RNF152: variants seen among roughly 807,000 people sequenced by gnomAD.
RNF152 encodes ring finger protein 152.
Under a neutral mutation model 12.7 loss-of-function variants are expected in RNF152, and 11 were observed. The observed-to-expected ratio is 0.86, with a 90% CI of 0.54 to 1.43. The LOEUF (loss-of-function observed/expected upper bound fraction) is 1.43, where lower values mean the gene tolerates loss of function less well. RNF152 is among the 40% of genes most tolerant of loss of function. The pLI is 0.00. For synonymous variants in RNF152, 113 were observed against 120.3 expected (o/e 0.94, Z 0.40); for missense variants, 255 against 274.8 (o/e 0.93, Z 0.51).
At chr18:61,893,987 G>T (rs893393462), upstream of RNF152, among the ~76,000 whole-genome samples, 5 of 142,582 alleles carry the variant, frequency 3.5e-5, no homozygotes, top group African/African-American at 1.3e-4. Context: ...CACCCCCTCC[G>T]CGGTCCAGAA....
At chr18:61,860,728 G>T (rs943143990) in intron 1 of RNF152, among the ~76,000 whole-genome samples, 2 of 152,172 alleles carry the variant, frequency 1.3e-5, no homozygotes, top group African/African-American at 4.8e-5. Context: ...AGTGGTTCAG[G>T]AGGTATCCAG....
chr18:61,857,079 C>T (rs58153277), intron 1 of RNF152, among the ~76,000 whole-genome samples: 11,425 of 152,192 alleles, frequency 0.075, 417 homozygotes, highest in Middle Eastern at 0.11. Flanking sequence ...AATTAAAATA[C>T]AGGCAGGGGA....
chr18:61,839,506 C>T (rs546418443), intron 1 of RNF152, among the ~76,000 whole-genome samples: 95 of 152,256 alleles, frequency 6.2e-4, no homozygotes, highest in Non-Finnish European at 1.0e-3. Context: ...AGAAGCAATG[C>T]TATAATGTTC....
Position 61,855,851 on chromosome 18 carries a change from C to T in RNF152, c.-136+36944G>A, listed in dbSNP as rs115497950. On this transcript the variant is annotated intron_variant, in intron 1 of 1. Transcript: ENST00000312828. ...AGGTGCCATTGGCCACAGAGGTTTC[C>T]GGCTGGTGACTCCCAGAGGATCCCG... is the stretch of plus-strand genomic sequence containing the variant. Among the ~76,000 whole-genome samples the T allele has an allele frequency of 7.2e-3, 1,093 of 152,296 alleles. 14 individuals carry two copies. The highest frequency in any genetic ancestry group is 0.026 in the African/African-American group (1,061 of 41,552).
chr18:61,813,556 C>T lies in RNF152; in HGVS notation c.*2296G>A, dbSNP rs1599253790. 6.6e-6 allele frequency: 1 copy of T among 152,304 alleles called. No homozygotes were observed. Among genetic ancestry groups the T allele is most frequent in the East Asian group, 1.9e-4 (1 of 5,186 alleles). 9.4% of individuals were successfully genotyped at this position (152,304 alleles called of 1,614,324 possible). A position where few individuals can be genotyped will look rare whatever the true frequency, so the allele number is the denominator to read the frequency against. On this transcript the variant is annotated 3_prime_UTR_variant, in exon 2 of 2. Coordinates refer to ENST00000312828, the MANE Select transcript of RNF152 (RefSeq NM_173557.3). ...AAGTTCTATGGACATTTTTACTCTA[C>T]AGATTTGCACTAAGAAACACAGGAC...
At position 61,809,862 on chromosome 18, in the gene RNF152, A is replaced by T. The variant is rs1912882876; in HGVS notation, c.*5990T>A. On this transcript the variant is annotated 3_prime_UTR_variant, in exon 2 of 2. Coordinates refer to ENST00000312828, the MANE Select transcript of RNF152 (RefSeq NM_173557.3). ...ACCCCAGGCAGTGAATCCTGAAAAA[A>T]AAAAAAAAAAAAAAAGTCATTGGCT... 6.6e-6 allele frequency: 1 copy of T among 151,458 alleles called. No individual in the cohort carries two copies. Among genetic ancestry groups the T allele is most frequent in the Middle Eastern group, 3.4e-3 (1 of 292 alleles). The allele number at this position is 151,458 out of a possible 1,614,324, so 9.4% of individuals were successfully genotyped here.
chr18:61,851,692 G>A (rs1466352872), intron 1 of RNF152, among the ~76,000 whole-genome samples: 1 of 152,170 alleles, frequency 6.6e-6, no homozygotes, highest in African/African-American at 2.4e-5. Flanking sequence ...AATCTTAAAA[G>A]AGCCAAGCAT....
Position 61,819,032 on chromosome 18 carries a change from A to T in RNF152, c.-135-2434T>A, listed in dbSNP as rs185784586. Among the ~76,000 whole-genome samples, 32 of 152,378 alleles carry T rather than the reference A, an allele frequency of 2.1e-4. No individual in the cohort carries two copies. In the East Asian group the frequency reaches 6.0e-3, roughly 28 times the overall value. Reference sequence around the variant, plus strand: ...TCAGGGGACAGGCTATTTTCAGGTTATGGAATCAGCATGAGCAAAGGAAAG... The same window carrying T: ...TCAGGGGACAGGCTATTTTCAGGTTTTGGAATCAGCATGAGCAAAGGAAAG... On this transcript the variant is annotated intron_variant, in intron 1 of 1. Transcript: ENST00000312828.
intron 1 of RNF152, among the ~76,000 whole-genome samples, chr18:61,889,632 G>C (rs1283398960): frequency 6.6e-6 from 1 of 152,200 alleles, no homozygotes; most frequent in Non-Finnish European, 1.5e-5. Context: ...TACTAGTCCT[G>C]TGACCAGAAA....
Position 61,853,591 on chromosome 18 carries a change from G to A in RNF152, c.-135-36993C>T, listed in dbSNP as rs552985566. On this transcript the variant is annotated intron_variant, in intron 1 of 1. Transcript: ENST00000312828. ...ACAGGCTGAGCCATCGCACCTCACC[G>A]GTTCCTTACCTTTTTTAGCTGCCAG... is the stretch of plus-strand genomic sequence containing the variant. 3.3e-5 allele frequency among the ~76,000 whole-genome samples: 5 copies of A among 152,084 alleles called. No homozygotes were observed. The East Asian group carries it at 5.8e-4, about 18-fold the overall frequency.
At chr18:61,821,736 G>T (rs546705429) in intron 1 of RNF152, among the ~76,000 whole-genome samples, 1 of 152,160 alleles carries the variant, frequency 6.6e-6, no homozygotes, top group Admixed American at 6.5e-5. Flanking sequence ...GACAATTACC[G>T]CCTGAGCTCC....
At chr18:61,851,873 G>A (rs1234215921) in intron 1 of RNF152, among the ~76,000 whole-genome samples, 1 of 152,100 alleles carries the variant, frequency 6.6e-6, no homozygotes, top group Non-Finnish European at 1.5e-5. Context: ...TATTCTACAG[G>A]CTTTCTATCA....
chr18:61,839,162 T>C (rs1477572532), intron 1 of RNF152, among the ~76,000 whole-genome samples: 1 of 152,084 alleles, frequency 6.6e-6, no homozygotes, highest in Non-Finnish European at 1.5e-5. Context: ...ATTTTCTACA[T>C]AACTGCAGTA....
chr18:61,830,782 C>G (rs1350837693), intron 1 of RNF152, among the ~76,000 whole-genome samples: 2 of 151,824 alleles, frequency 1.3e-5, no homozygotes, highest in African/African-American at 4.8e-5. Context: ...AGAAAAGATC[C>G]CTGATTTCTC....
At chr18:61,869,333 G>A (rs1260610304) in intron 1 of RNF152, among the ~76,000 whole-genome samples, 1 of 152,132 alleles carries the variant, frequency 6.6e-6, no homozygotes, top group Non-Finnish European at 1.5e-5. Flanking sequence ...AAGAAAACTG[G>A]TCTCCAAGAT....
chr18:61,829,860 G>A (rs1436372215), intron 1 of RNF152, among the ~76,000 whole-genome samples: 1 of 152,114 alleles, frequency 6.6e-6, no homozygotes, highest in East Asian at 1.9e-4. Context: ...TGTCTTGTAG[G>A]CTGTGGGGCT....
In RNF152 at chr18:61,829,043, C is replaced by A. The variant is rs570829200; in HGVS notation, c.-135-12445G>T. On this transcript the variant is annotated intron_variant, in intron 1 of 1. Transcript: ENST00000312828. ...AGACACAAAGGCACAGAGACCAAGA[C>A]GAGGGGAGGCAGTGCCCAGGGTGGT... is the stretch of plus-strand genomic sequence containing the variant. Among the ~76,000 whole-genome samples the A allele has an allele frequency of 2.6e-5, 4 of 152,216 alleles. No individual in the cohort carries two copies. The East Asian group carries it at 5.8e-4, about 22-fold the overall frequency.
At chr18:61,883,624 C>T (rs936750959) in intron 1 of RNF152, among the ~76,000 whole-genome samples, 4 of 152,236 alleles carry the variant, frequency 2.6e-5, no homozygotes, top group Admixed American at 6.5e-5. Flanking sequence ...TGTTTTAAAA[C>T]GGAAAGTTCC....
chr18:61,841,324 C>T (rs979255138), intron 1 of RNF152, among the ~76,000 whole-genome samples: 6 of 152,194 alleles, frequency 3.9e-5, no homozygotes, highest in Admixed American at 6.5e-5. Context: ...CGCAACATAA[C>T]ATGACACTAG....
Sources: gnomAD v4.1 joint callset for allele counts (sites outside exome capture counted in the v4.1 genomes callset) on GRCh38, gnomAD v4.1.1 for gene constraint, MANE v1.5 for transcripts, NCBI Gene and HGNC (gene_info 2026-07-23, HGNC 2026-07-21) for gene names.